SCTR: variants seen among roughly 807,000 people sequenced by gnomAD.
SCTR encodes the protein pancreatic secretin receptor.
SCTR carries 56 observed loss-of-function variants against 60.8 expected under a neutral mutation model. The observed-to-expected ratio is 0.92, with a 90% CI of 0.74 to 1.15. The LOEUF (loss-of-function observed/expected upper bound fraction) is 1.15, where lower values mean the gene tolerates loss of function less well. SCTR is among the 50% of genes most tolerant of loss of function. SCTR has a pLI of 0.00. For missense variants in SCTR, 562 were observed against 550.4 expected, an observed-to-expected ratio of 1.02 and a Z score of -0.21; for synonymous variants, 202 against 217.0, an observed-to-expected ratio of 0.93 and a Z score of 0.61.
intron 10 of SCTR, among the ~76,000 whole-genome samples, chr2:119,448,462 G>A (rs1023983613): frequency 6.6e-6 from 1 of 152,262 alleles, no homozygotes; most frequent in Non-Finnish European, 1.5e-5. Flanking sequence ...TCTCTCTGCC[G>A]TCAGGCTTCC....
intron 1 of SCTR, among the ~76,000 whole-genome samples, chr2:119,517,219 G>A (rs1679142887): frequency 6.6e-6 from 1 of 151,896 alleles, no homozygotes; most frequent in African/African-American, 2.4e-5. Context: ...GAGTGCAGTG[G>A]CACAATCATG....
rs190592652 is a variant in SCTR, at chr2:119,500,373, A to G, written c.73-5825T>C. Among the ~76,000 whole-genome samples, 8 of 152,360 alleles carry G rather than the reference A, an allele frequency of 5.3e-5. No homozygotes were observed. The East Asian group carries it at 1.5e-3, about 29-fold the overall frequency. On this transcript the variant is annotated intron_variant, in intron 1 of 12. Coordinates refer to ENST00000019103, the MANE Select transcript of SCTR (RefSeq NM_002980.3). ...TGATCCAGGAATTTCACTTCTGGGT[A>G]TATATCCAAAAGAAAGGAAATCAGT...
chr2:119,495,758 C>T (rs1236657462), intron 1 of SCTR, among the ~76,000 whole-genome samples: 2 of 152,186 alleles, frequency 1.3e-5, no homozygotes, highest in Non-Finnish European at 2.9e-5. Context: ...GACTCCATGA[C>T]ACCAACTGAC....
At chr2:119,499,635 AAATG>A (rs1678464481) in intron 1 of SCTR, among the ~76,000 whole-genome samples, 1 of 152,128 alleles carries the variant, frequency 6.6e-6, no homozygotes, top group Admixed American at 6.5e-5. Flanking sequence ...TTAATATTGA[AAATG>A]AATCAATGTA....
chr2:119,473,348 C>T, intron 4 of SCTR, 105 bp downstream of exon 4: 2 of 744,124 alleles, frequency 2.7e-6, no homozygotes, highest in Non-Finnish European at 4.7e-6. Flanking sequence ...ACCACTGTCC[C>T]AGGCCTGTGC....
chr2:119,449,980 GGAA>G (rs1272222925), intron 9 of SCTR, among the ~76,000 whole-genome samples: 6 of 20,286 alleles, frequency 3.0e-4, no homozygotes, highest in African/African-American at 6.6e-4. Flanking sequence ...AGGGAGGGAA[GGAA>G]GGAAGGAAGG....
chr2:119,440,835 T>G (rs1682630427), intron 12 of SCTR, among the ~76,000 whole-genome samples: 1 of 152,202 alleles, frequency 6.6e-6, no homozygotes, highest in South Asian at 2.1e-4. Context: ...TAAATTTCCT[T>G]CACAATTCCC....
rs539160167 is a variant in SCTR, at chr2:119,509,838, C to A, written c.72+14317G>T. On this transcript the variant is annotated intron_variant, in intron 1 of 12. Transcript: ENST00000019103. ...CCCCCATTTCCCCAGCCCCTGGTAA[C>A]CTCTATTCTACTTTCTGACTCTAAG... is the stretch of plus-strand genomic sequence containing the variant. Among the ~76,000 whole-genome samples, 6 of 152,158 alleles carry A rather than the reference C, an allele frequency of 3.9e-5. No homozygotes were observed. In the South Asian group the frequency reaches 1.0e-3, roughly 26 times the overall value.
At chr2:119,477,446 T>A (rs1178834879) in intron 3 of SCTR, among the ~76,000 whole-genome samples, 1 of 151,528 alleles carries the variant, frequency 6.6e-6, no homozygotes, top group African/African-American at 2.4e-5. Context: ...TTTTTGTTTG[T>A]TTGTTTGTTT....
chr2:119,444,159 A>G (rs1366207506), intron 11 of SCTR, among the ~76,000 whole-genome samples: 1 of 144,070 alleles, frequency 6.9e-6, no homozygotes, highest in Admixed American at 6.9e-5. Flanking sequence ...TCTTATATAT[A>G]TATACACATA....
rs1468409790 is a variant in SCTR, at chr2:119,448,745, G to A, written c.957C>T (p.Ile319=). Residue 319 remains isoleucine, a synonymous_variant, in exon 10 of 13, where the codon ATC becomes ATT. Transcript: ENST00000019103. Reference sequence around the variant, plus strand: ...CTTGGGTTCTAAGTTTTCTCATCAGGATTCTTAGAATGTTTATGAAAAGGA... The same window carrying A: ...CTTGGGTTCTAAGTTTTCTCATCAGAATTCTTAGAATGTTTATGAAAAGGA... ...NFILFINILR[I]LMRKLRTQET... is the part of the protein sequence containing the mutation. The A allele has an allele frequency of 6.2e-7, 1 of 1,601,870 alleles. No homozygotes were observed. The highest frequency in any genetic ancestry group is 8.6e-7 in the Non-Finnish European group (1 of 1,169,000).
At chr2:119,459,206 A>G (rs936197728) in intron 7 of SCTR, among the ~76,000 whole-genome samples, 2 of 152,238 alleles carry the variant, frequency 1.3e-5, no homozygotes, top group African/African-American at 2.4e-5. Context: ...TCTATATCAC[A>G]TCTATCTATC....
intron 1 of SCTR, among the ~76,000 whole-genome samples, chr2:119,499,645 A>G (rs906755279): frequency 6.6e-6 from 1 of 152,150 alleles, no homozygotes; most frequent in Non-Finnish European, 1.5e-5. Flanking sequence ...AAATGAATCA[A>G]TGTAATTTAT....
chr2:119,494,394 C>T (rs763620613), intron 2 of SCTR, 34 bp downstream of exon 2: 8 of 1,609,182 alleles, frequency 5.0e-6, no homozygotes, highest in Non-Finnish European at 6.8e-6. Flanking sequence ...GCTCCACCCC[C>T]AAGAGAGGAC....
chr2:119,514,035 C>T (rs886369232), intron 1 of SCTR, among the ~76,000 whole-genome samples: 2 of 152,206 alleles, frequency 1.3e-5, no homozygotes, highest in African/African-American at 4.8e-5. Flanking sequence ...CAGGGTGTAT[C>T]ACCCTTTGTC....
At chr2:119,502,534 A>G (rs1224827173) in intron 1 of SCTR, among the ~76,000 whole-genome samples, 3 of 152,240 alleles carry the variant, frequency 2.0e-5, no homozygotes, top group African/African-American at 7.2e-5. Flanking sequence ...TATGTAGAAA[A>G]GCAAAAGAAT....
intron 9 of SCTR, among the ~76,000 whole-genome samples, chr2:119,449,584 T>C (rs1683067183): frequency 6.6e-6 from 1 of 152,100 alleles, no homozygotes; most frequent in Admixed American, 6.5e-5. Flanking sequence ...CCAACCCCAG[T>C]GCCCAGTGCC....
chr2:119,472,784 G>C (rs184276941), intron 4 of SCTR, among the ~76,000 whole-genome samples: 2 of 152,226 alleles, frequency 1.3e-5, no homozygotes, highest in Admixed American at 6.5e-5. Flanking sequence ...TGGGACTATA[G>C]GCACGCACCA....
chr2:119,489,023 G>A (rs369065561), intron 2 of SCTR, among the ~76,000 whole-genome samples: 8 of 152,076 alleles, frequency 5.3e-5, no homozygotes, highest in African/African-American at 1.7e-4. Context: ...TCTTTTCCTC[G>A]AACCGTGAGA....
Sources: allele counts gnomAD v4.1 joint callset (sites outside exome capture counted in the v4.1 genomes callset), GRCh38; gene constraint gnomAD v4.1.1; transcripts MANE v1.5; gene names NCBI Gene and HGNC (gene_info 2026-07-23, HGNC 2026-07-21).